The following RBFOX1 variants were observed in gnomAD, a reference collection of about 807,000 sequenced individuals.
RBFOX1 encodes RNA binding protein fox-1 homolog 1.
RBFOX1 carries 8 observed loss-of-function variants against 57.7 expected under a neutral mutation model. The ratio of observed to expected loss-of-function variants is 0.14; its 90% CI spans 0.08 to 0.25. The LOEUF (loss-of-function observed/expected upper bound fraction) is 0.25. Among genes scored for constraint, RBFOX1 ranks in the 10% least tolerant of loss-of-function variants. The pLI, the probability that RBFOX1 is intolerant of heterozygous loss-of-function variation, is 1.00. For missense variants in RBFOX1, 611 were observed against 548.5 expected, an observed-to-expected ratio of 1.11 and a Z score of -1.14; for synonymous variants, 326 against 222.4, an observed-to-expected ratio of 1.47 and a Z score of -4.15.
intron 2 of RBFOX1, among the ~76,000 whole-genome samples, chr16:6,639,546 C>G (rs1484292634): frequency 2.0e-5 from 3 of 152,100 alleles, no homozygotes; most frequent in Admixed American, 1.3e-4. Flanking sequence ...TAAAATTATA[C>G]AAATACACAA....
intron 10 of RBFOX1, among the ~76,000 whole-genome samples, chr16:7,615,563 T>C (rs1029985197): frequency 6.8e-4 from 104 of 152,166 alleles, no homozygotes; most frequent in African/African-American, 2.3e-3. Flanking sequence ...GTTATCTTTG[T>C]GACTCCAAAG....
At chr16:6,564,483 A>C (rs3066936) in intron 2 of RBFOX1, among the ~76,000 whole-genome samples, 24 of 80,952 alleles carry the variant, frequency 3.0e-4, no homozygotes, top group East Asian at 1.3e-3. Context: ...AACAAACAAA[A>C]ATAAACAAAC....
At chr16:6,028,010 G>C (rs139615727) in intron 1 of RBFOX1, among the ~76,000 whole-genome samples, 153 of 152,278 alleles carry the variant, frequency 1.0e-3, no homozygotes, top group African/African-American at 3.5e-3. Flanking sequence ...GCAGGGGATT[G>C]AGAGGGCTGA....
chr16:7,229,235 C>G (rs1473853278), intron 4 of RBFOX1, among the ~76,000 whole-genome samples: 1 of 152,200 alleles, frequency 6.6e-6, no homozygotes, highest in Non-Finnish European at 1.5e-5. Flanking sequence ...GCATTGCAAT[C>G]TTCTGCAAGA....
intron 4 of RBFOX1, among the ~76,000 whole-genome samples, chr16:7,150,696 C>G (rs1195191324): frequency 6.6e-6 from 1 of 152,166 alleles, no homozygotes; most frequent in Non-Finnish European, 1.5e-5. Flanking sequence ...AGAGATAAGT[C>G]AAAGATTGTT....
intron 4 of RBFOX1, among the ~76,000 whole-genome samples, chr16:7,399,949 A>G (rs990071738): frequency 6.6e-6 from 1 of 152,188 alleles, no homozygotes; most frequent in Non-Finnish European, 1.5e-5. Flanking sequence ...GGCGATGACT[A>G]TGTACCAGGC....
rs551829637 is a variant in RBFOX1, at chr16:7,055,417, G to A, written c.27+3319G>A. On this transcript the variant is annotated intron_variant, in intron 4 of 15. Coordinates refer to ENST00000550418, the MANE Select transcript of RBFOX1 (RefSeq NM_018723.4). ...TCCAGGGTTGATTCAGAGGCTTTTT[G>A]GTATCAGGGCAGTGGTTTGCAATCC... 3.9e-5 allele frequency among the ~76,000 whole-genome samples: 6 copies of A among 152,156 alleles called. No homozygotes were observed. The South Asian group carries it at 6.2e-4, about 16-fold the overall frequency.
intron 4 of RBFOX1, among the ~76,000 whole-genome samples, chr16:7,462,938 G>A (rs910980605): frequency 6.6e-6 from 1 of 152,214 alleles, no homozygotes; most frequent in African/African-American, 2.4e-5. Context: ...AGGTAGTTCA[G>A]CTCTTCTCCT....
intron 3 of RBFOX1, among the ~76,000 whole-genome samples, chr16:6,711,444 A>T (rs971819129): frequency 2.6e-5 from 4 of 152,154 alleles, no homozygotes; most frequent in African/African-American, 9.7e-5. Context: ...CTTGAATGGT[A>T]ATCCCCACGT....
At chr16:6,210,317 GA>G (rs796379157) in intron 1 of RBFOX1, among the ~76,000 whole-genome samples, 908 of 14,408 alleles carry the variant, frequency 0.063, 10 homozygotes, top group African/African-American at 0.17. Context: ...AATTCTGTCT[GA>G]AAAAAAAAAA....
intron 14 of RBFOX1, among the ~76,000 whole-genome samples, chr16:7,694,540 G>A (rs533722852): frequency 6.6e-6 from 1 of 152,204 alleles, no homozygotes; most frequent in Admixed American, 6.5e-5. Context: ...GATGCATGCT[G>A]ACATTTTAAA....
At chr16:6,774,761 G>C (rs995352026) in intron 3 of RBFOX1, among the ~76,000 whole-genome samples, 1 of 151,940 alleles carries the variant, frequency 6.6e-6, no homozygotes, top group Non-Finnish European at 1.5e-5. Context: ...CTGTTGAGTT[G>C]AACTTTCTGC....
chr16:6,357,499 C>T (rs1037630574), intron 2 of RBFOX1, among the ~76,000 whole-genome samples: 1 of 152,006 alleles, frequency 6.6e-6, no homozygotes, highest in African/African-American at 2.4e-5. Flanking sequence ...TTGGAAAGAG[C>T]TGTTGAGGGT....
chr16:6,097,293 T>TA lies in RBFOX1; in HGVS notation c.-127+77306dup, dbSNP rs1480878746. ...CTCATGTATGTCTTTATCAGCAGCATAAAAACAGACTAACATAACCCCCCT... is the reference window on the plus strand; with the variant it reads ...CTCATGTATGTCTTTATCAGCAGCATAAAAAACAGACTAACATAACCCCCCT... On this transcript the variant is annotated intron_variant, in intron 1 of 15. Transcript: ENST00000550418. This position sits in a 1 kb window ranked among gnomAD's most constrained non-coding sequence, Gnocchi z 5.0. Among the ~76,000 whole-genome samples, 2 of 152,192 alleles carry TA rather than the reference T, an allele frequency of 1.3e-5. No homozygotes were observed. Among genetic ancestry groups the TA allele is most frequent in the Non-Finnish European group, 2.9e-5 (2 of 68,036 alleles).
intron 2 of RBFOX1, among the ~76,000 whole-genome samples, chr16:6,613,885 C>G (rs1239989576): frequency 6.6e-6 from 1 of 152,138 alleles, no homozygotes; most frequent in Non-Finnish European, 1.5e-5. Context: ...TTGCAGTGAG[C>G]TGAGATTGTG....
chr16:6,515,575 T>C (rs76344801), intron 2 of RBFOX1, among the ~76,000 whole-genome samples: 43 of 152,110 alleles, frequency 2.8e-4, no homozygotes, highest in Non-Finnish European at 5.7e-4. Flanking sequence ...AATAGAATAA[T>C]TTTTTTCTAA....
At chr16:6,651,668 C>A (rs186048257) in intron 2 of RBFOX1, among the ~76,000 whole-genome samples, 85 of 152,234 alleles carry the variant, frequency 5.6e-4, no homozygotes, top group Middle Eastern at 3.4e-3. Flanking sequence ...AAAAATGAAA[C>A]ATTGAATTAC....
chr16:7,092,918 G>GT (rs2061103141), intron 4 of RBFOX1, among the ~76,000 whole-genome samples: 1 of 152,238 alleles, frequency 6.6e-6, no homozygotes, highest in South Asian at 2.1e-4. Context: ...AGTGTCATCT[G>GT]TTTTTTTCCA....
chr16:5,537,420 T>A (rs2044743845), intron 2 of RBFOX1, among the ~76,000 whole-genome samples: 2 of 152,178 alleles, frequency 1.3e-5, no homozygotes, highest in Non-Finnish European at 2.9e-5. Flanking sequence ...CAACAAAAAA[T>A]TTATTATTTT....
Sources: allele counts gnomAD v4.1 joint callset (sites outside exome capture counted in the v4.1 genomes callset), GRCh38; gene constraint gnomAD v4.1.1; non-coding constraint Gnocchi (gnomAD v3.1); transcripts MANE v1.5; gene names NCBI Gene and HGNC (gene_info 2026-07-23, HGNC 2026-07-21).